The following TOX variants were observed in gnomAD, a reference collection of about 807,000 sequenced individuals.
The protein encoded by TOX is thymocyte selection associated high mobility group box.
In TOX, 11 loss-of-function variants were observed where a neutral mutation model predicts 53.7. That is an observed-to-expected ratio of 0.20 (90% CI 0.13 to 0.34). The LOEUF (loss-of-function observed/expected upper bound fraction) is 0.34, where lower values mean the gene tolerates loss of function less well. Ranked by LOEUF, TOX falls within the 10% of genes least tolerant of loss-of-function variation. The pLI, the probability that TOX is intolerant of heterozygous loss-of-function variation, is 1.00. For missense variants in TOX, 570 were observed against 664.6 expected (o/e 0.86, Z 1.56); for synonymous variants, 225 against 245.3 (o/e 0.92, Z 0.77).
chr8:59,054,378 C>T (rs1001067654), intron 1 of TOX, among the ~76,000 whole-genome samples: 1 of 152,100 alleles, frequency 6.6e-6, no homozygotes, highest in Non-Finnish European at 1.5e-5. Context: ...AAGCTTCATC[C>T]AGTATTCCCA....
chr8:58,859,298 G>T (rs1810967112), intron 3 of TOX, among the ~76,000 whole-genome samples: 1 of 152,118 alleles, frequency 6.6e-6, no homozygotes, highest in Non-Finnish European at 1.5e-5. Flanking sequence ...GACAAGTGAG[G>T]TTCAAAAGAA....
chr8:59,015,904 T>C (rs867489723), intron 1 of TOX, among the ~76,000 whole-genome samples: 8 of 152,236 alleles, frequency 5.3e-5, no homozygotes, highest in East Asian at 3.8e-4. Flanking sequence ...TGTTACTCTT[T>C]AAATGTTGGC....
chr8:59,003,924 A>C (rs1219145776), intron 1 of TOX, among the ~76,000 whole-genome samples: 1 of 152,206 alleles, frequency 6.6e-6, no homozygotes, highest in African/African-American at 2.4e-5. Context: ...AAGTATGTAA[A>C]ATACAAGACC....
At chr8:58,898,875 G>A (rs1246387062) in intron 3 of TOX, among the ~76,000 whole-genome samples, 1 of 152,146 alleles carries the variant, frequency 6.6e-6, no homozygotes, top group Non-Finnish European at 1.5e-5. Context: ...TATGTATTAA[G>A]CATCTATTAA....
At chr8:58,828,917 G>A (rs1055597866) in intron 5 of TOX, among the ~76,000 whole-genome samples, 1 of 152,024 alleles carries the variant, frequency 6.6e-6, no homozygotes, top group Non-Finnish European at 1.5e-5. Context: ...CGTCTTTTAT[G>A]GTAATGCATT....
intron 1 of TOX, among the ~76,000 whole-genome samples, chr8:59,064,417 T>TAA (rs1199384317): frequency 2.0e-5 from 3 of 152,216 alleles, no homozygotes; most frequent in Admixed American, 6.5e-5. Context: ...TTCAACAAAT[T>TAA]AAAATGTTTG....
chr8:58,938,846 T>C (rs533125235), intron 3 of TOX, among the ~76,000 whole-genome samples: 1 of 152,242 alleles, frequency 6.6e-6, no homozygotes, highest in African/African-American at 2.4e-5. Flanking sequence ...GAAAAATTTT[T>C]TCTTACCTTC....
chr8:58,946,609 A>G (rs1812526632), intron 2 of TOX, among the ~76,000 whole-genome samples: 2 of 152,352 alleles, frequency 1.3e-5, no homozygotes, highest in South Asian at 4.1e-4. Context: ...ATAGCAATAA[A>G]TCATCTTCAT....
At chr8:58,956,427 T>A (rs369322788) in intron 2 of TOX, among the ~76,000 whole-genome samples, 1 of 152,208 alleles carries the variant, frequency 6.6e-6, no homozygotes, top group African/African-American at 2.4e-5. Context: ...TTTTATAAGA[T>A]ACATTTTATT....
At chr8:59,002,559 C>A (rs1813712242) in intron 1 of TOX, among the ~76,000 whole-genome samples, 1 of 151,268 alleles carries the variant, frequency 6.6e-6, no homozygotes, top group Non-Finnish European at 1.5e-5. Flanking sequence ...CCACTGCACT[C>A]CAGCCTGGGC....
chr8:58,975,264 C>A (rs202124474), intron 1 of TOX, among the ~76,000 whole-genome samples: 14,088 of 147,852 alleles, frequency 0.095, 733 homozygotes, highest in South Asian at 0.19. Flanking sequence ...ACACACACAC[C>A]CCCACACAGA....
chr8:59,008,635 G>A lies in TOX; in HGVS notation c.103-48627C>T, dbSNP rs896620801. Reference sequence around the variant, plus strand: ...CATTGGTCTGGAAATCACATGAGACGTAATGACCAGTCATACGTCCTGCAG... The same window carrying A: ...CATTGGTCTGGAAATCACATGAGACATAATGACCAGTCATACGTCCTGCAG... On this transcript the variant is annotated intron_variant, in intron 1 of 8. Transcript: ENST00000361421. Among the ~76,000 whole-genome samples, 7 of 152,200 alleles carry A rather than the reference G, an allele frequency of 4.6e-5. No homozygotes were observed. In the East Asian group the frequency reaches 7.7e-4, roughly 17 times the overall value.
chr8:58,905,631 T>C (rs1371435556), intron 3 of TOX, among the ~76,000 whole-genome samples: 1 of 152,212 alleles, frequency 6.6e-6, no homozygotes, highest in East Asian at 1.9e-4. Flanking sequence ...AATTTACTTT[T>C]TGTGCTATAA....
At chr8:58,848,457 A>G (rs190152102) in intron 4 of TOX, among the ~76,000 whole-genome samples, 1 of 152,256 alleles carries the variant, frequency 6.6e-6, no homozygotes, top group East Asian at 1.9e-4. Context: ...CACGAAATTT[A>G]TAAGAGACAC....
chr8:58,837,997 T>A (rs1563366260), intron 5 of TOX, 84 bp downstream of exon 5: 3 of 1,322,034 alleles, frequency 2.3e-6, no homozygotes, highest in Non-Finnish European at 3.2e-6. Flanking sequence ...ATCTAAAGAA[T>A]TTACCCCAAG....
chr8:59,086,477 T>C (rs1804511753), intron 1 of TOX, among the ~76,000 whole-genome samples: 1 of 152,166 alleles, frequency 6.6e-6, no homozygotes, highest in South Asian at 2.1e-4. Context: ...TAGACTCCCA[T>C]CATCAGTATA....
chr8:58,928,773 T>C (rs948295735), intron 3 of TOX, among the ~76,000 whole-genome samples: 2 of 152,208 alleles, frequency 1.3e-5, no homozygotes, highest in Non-Finnish European at 2.9e-5. Flanking sequence ...CAGAGAGAGT[T>C]ATCTTTCATC....
rs1196006261 is a variant in TOX at position 58,915,425 on chromosome 8, C to T, written c.411+23877G>A. Among the ~76,000 whole-genome samples, 14 of 98,428 alleles carry T rather than the reference C, an allele frequency of 1.4e-4. No homozygotes were observed. In the East Asian group the frequency reaches 2.0e-3, roughly 14 times the overall value. The allele number at this position is 98,428 out of a possible 152,430, so 64.6% of individuals were successfully genotyped here. On this transcript the variant is annotated intron_variant, in intron 3 of 8. Transcript: ENST00000361421. ...CCCCGAGCAGCCTAACTGGGAGGCA[C>T]CCCCCAGCAGGGGCACACTGACACC... is the stretch of plus-strand genomic sequence containing the variant.
rs1805120352 is a variant in TOX at position 59,117,382 on chromosome 8, AG to A, written c.102+1503del. On this transcript the variant is annotated intron_variant, in intron 1 of 8. Transcript: ENST00000361421. This position sits in a 1 kb window ranked among gnomAD's most constrained non-coding sequence, Gnocchi z 4.6. ...TACCTTTCAACTTGCCCGTAGCTGA[AG>A]GGCTCCCTGTACAATGGAAGCCCTT... Among the ~76,000 whole-genome samples the A allele has an allele frequency of 1.3e-5, 2 of 152,236 alleles. No homozygotes were observed. The highest frequency in any genetic ancestry group is 4.8e-5 in the African/African-American group (2 of 41,460).
Sources: gnomAD v4.1 joint callset for allele counts (sites outside exome capture counted in the v4.1 genomes callset) on GRCh38, gnomAD v4.1.1 for gene constraint, Gnocchi (gnomAD v3.1) non-coding constraint, MANE v1.5 for transcripts, NCBI Gene and HGNC (gene_info 2026-07-23, HGNC 2026-07-21) for gene names.